Variants in FAM161A observed in about 807,000 individuals in gnomAD.
FAM161A encodes the protein FAM161 centrosomal protein A, also known as protein FAM161A.
Under a neutral mutation model 70.9 loss-of-function variants are expected in FAM161A, and 57 were observed. The observed-to-expected ratio is 0.80, with a 90% CI of 0.65 to 1.00. FAM161A has a LOEUF of 1.00. Among genes scored for constraint, FAM161A ranks in the 50% least tolerant of loss-of-function variants. FAM161A has a pLI of 0.00. For missense variants in FAM161A, 880 were observed against 836.0 expected (o/e 1.05, Z -0.65); for synonymous variants, 299 against 295.7 (o/e 1.01, Z -0.12).
chr2:61,851,519 G>C (rs539717286), intron 1 of FAM161A, among the ~76,000 whole-genome samples: 78 of 152,216 alleles, frequency 5.1e-4, no homozygotes, highest in African/African-American at 1.6e-3. Context: ...ATTTTTAGTA[G>C]AGACCGGGTT....
chr2:61,824,890 T>C lies in FAM161A; in HGVS notation c.*1565A>G. On this transcript the variant is annotated 3_prime_UTR_variant, in exon 7 of 7. Coordinates refer to ENST00000404929, the MANE Select transcript of FAM161A (RefSeq NM_001201543.2). Reference sequence around the variant, plus strand: ...TCAAACCTTTATTAAGTACCTACCATATGTACAATACTGTTCCAAATATTA... The same window carrying C: ...TCAAACCTTTATTAAGTACCTACCACATGTACAATACTGTTCCAAATATTA... 2.3e-6 allele frequency: 1 copy of C among 434,000 alleles called. No homozygotes were observed. The highest frequency in any genetic ancestry group is 4.5e-6 in the Non-Finnish European group (1 of 220,996). The allele number at this position is 434,000 out of a possible 1,614,324, so 26.9% of individuals were successfully genotyped here. A position where few individuals can be genotyped will look rare whatever the true frequency, so the allele number is the denominator to read the frequency against.
At chr2:61,801,717 C>T in the FAM161A span, among the ~76,000 whole-genome samples, 4 of 151,894 alleles carry the variant, frequency 2.6e-5, no homozygotes, top group African/African-American at 7.3e-5. Context: ...CGTGCCACCA[C>T]GCCTGGCTAA....
In FAM161A at chr2:61,840,047, C is replaced by G. The variant is rs748934990; in HGVS notation, c.957G>C (p.Leu319Phe). ...SLKEKSKEALLASQKPFKFIA... is the reference protein window; with the variant it reads ...SLKEKSKEALFASQKPFKFIA... Reference sequence around the variant, plus strand: ...TAAATTTAAATGGCTTTTGTGAGGCCAAAAGAGCTTCTTTGCTTTTCTCCT... The same window carrying G: ...TAAATTTAAATGGCTTTTGTGAGGCGAAAAGAGCTTCTTTGCTTTTCTCCT... The change falls in exon 3 of 7, where the codon TTG becomes TTC. Residue 319 changes from leucine to phenylalanine, a missense_variant. Physicochemically the swap from Leu to Phe is conservative, Grantham distance 22. Coordinates refer to ENST00000404929, the MANE Select transcript of FAM161A (RefSeq NM_001201543.2). 32 of 1,614,146 alleles carry G rather than the reference C, an allele frequency of 2.0e-5. No homozygotes were observed. Among genetic ancestry groups the G allele is most frequent in the Non-Finnish European group, 2.7e-5 (32 of 1,180,038 alleles).
chr2:61,816,626 A>C, the FAM161A span, among the ~76,000 whole-genome samples: 2,162 of 151,928 alleles, frequency 0.014, 54 homozygotes, highest in African/African-American at 0.049. Context: ...GATGTGGCTA[A>C]TTTTTGTATT....
chr2:61,824,055 C>T (rs1367862641), downstream of FAM161A, among the ~76,000 whole-genome samples: 1 of 148,602 alleles, frequency 6.7e-6, no homozygotes, highest in Admixed American at 6.8e-5. Context: ...GAGATGGAGT[C>T]TCACTCTGTC....
At position 61,839,574 on chromosome 2, in the gene FAM161A, T is replaced by C; in HGVS notation, c.1430A>G (p.Glu477Gly). The C allele has an allele frequency of 6.2e-7, 1 of 1,614,210 alleles. No individual in the cohort carries two copies. Among genetic ancestry groups the C allele is most frequent in the Non-Finnish European group, 8.5e-7 (1 of 1,180,038 alleles). ...IKREKILADI[E>G]ADEENLKETR... Reference sequence around the variant, plus strand: ...TTCTTTTAAATTTTCTTCATCTGCTTCGATGTCTGCCAAAATTTTTTCTCT... The same window carrying C: ...TTCTTTTAAATTTTCTTCATCTGCTCCGATGTCTGCCAAAATTTTTTCTCT... The change falls in exon 3 of 7, where the codon GAA (glutamate) becomes GGA (glycine). Residue 477 changes from glutamate (E) to glycine (G), a missense_variant. By Grantham distance (98) the Glu-to-Gly change is moderately conservative. Coordinates refer to ENST00000404929, the MANE Select transcript of FAM161A (RefSeq NM_001201543.2).
the FAM161A span, among the ~76,000 whole-genome samples, chr2:61,817,659 A>G: frequency 2.0e-5 from 3 of 152,188 alleles, no homozygotes; most frequent in African/African-American, 7.2e-5. Flanking sequence ...GTGTTAAACC[A>G]ACATTTTCAA....
the FAM161A span, among the ~76,000 whole-genome samples, chr2:61,801,285 C>A: frequency 6.6e-6 from 1 of 151,326 alleles, no homozygotes; most frequent in African/African-American, 2.4e-5. Flanking sequence ...ATCATGAGGT[C>A]AGGAGTCTGA....
In FAM161A at chr2:61,848,838, T is replaced by TTA. The variant is rs1318017695; in HGVS notation, c.183+5019_183+5020dup. Among the ~76,000 whole-genome samples, 18 of 25,260 alleles carry TTA rather than the reference T, an allele frequency of 7.1e-4. 1 individual carries two copies. The highest frequency in any genetic ancestry group is 2.9e-3 in the African/African-American group (18 of 6,180). 16.6% of individuals were successfully genotyped at this position (25,260 alleles called of 152,430 possible). A position where few individuals can be genotyped will look rare whatever the true frequency, so the allele number is the denominator to read the frequency against. On this transcript the variant is annotated intron_variant, in intron 1 of 6. Transcript: ENST00000404929. ...TTTATATATATATATCTATATATAT[T>TTA]TATATATATATTTATATATATATTT...
chr2:61,807,607 A>C, the FAM161A span, among the ~76,000 whole-genome samples: 1 of 149,304 alleles, frequency 6.7e-6, no homozygotes, highest in Non-Finnish European at 1.5e-5. Flanking sequence ...GGGACCCTGA[A>C]AGGGTTAGCT....
At chr2:61,812,651 G>A in the FAM161A span, among the ~76,000 whole-genome samples, 4 of 152,260 alleles carry the variant, frequency 2.6e-5, no homozygotes, top group Non-Finnish European at 5.9e-5. Context: ...GAACCTGGGA[G>A]GCAGAGGTTG....
At chr2:61,800,948 C>T in the FAM161A span, among the ~76,000 whole-genome samples, 3 of 152,030 alleles carry the variant, frequency 2.0e-5, no homozygotes, top group South Asian at 4.2e-4. Context: ...GGATTACAAG[C>T]GTGCACCACC....
At chr2:61,804,812 A>AAGAAAGAAAGAAAGAAAGAG in the FAM161A span, among the ~76,000 whole-genome samples, 1 of 149,570 alleles carries the variant, frequency 6.7e-6, no homozygotes, top group Non-Finnish European at 1.5e-5. Flanking sequence ...GAAAGAAAGA[A>AAGAAAGAAAGAAAGAAAGAG]AGAAAGAGAA....
At position 61,840,345 on chromosome 2, in the gene FAM161A, T is replaced by A; in HGVS notation, c.659A>T (p.His220Leu). The A allele has an allele frequency of 6.2e-7, 1 of 1,614,142 alleles. No individual in the cohort carries two copies. The highest frequency in any genetic ancestry group is 8.5e-7 in the Non-Finnish European group (1 of 1,180,024). The change falls in exon 3 of 7, where the codon CAT becomes CTT. Residue 220 changes from histidine to leucine, a missense_variant. By Grantham distance (99) the His-to-Leu change is moderately conservative. Transcript: ENST00000404929. ...TTTCTTCCTTCTTTTTTCAGCTGCA[T>A]GGAAGCCAGTATCTTTACAGCGAAT... ...DYIRCKDTGFHAAEKRRKKRK... is the reference protein window; with the variant it reads ...DYIRCKDTGFLAAEKRRKKRK...
chr2:61,804,792 AAGAAAGAAAGAAAG>A, the FAM161A span, among the ~76,000 whole-genome samples: 1 of 150,524 alleles, frequency 6.6e-6, no homozygotes, highest in African/African-American at 2.4e-5. Context: ...GAAAGAAAGA[AAGAAAGAAAGAAAG>A]AAAGAAAGAA....
chr2:61,824,193 A>ATTTTTTTTTTTTTTTTTTTTT (rs5831622), downstream of FAM161A, among the ~76,000 whole-genome samples: 1 of 127,830 alleles, frequency 7.8e-6, no homozygotes, highest in Non-Finnish European at 1.6e-5. Flanking sequence ...CGCCTGGCTA[A>ATTTTTTTTTTTTTTTTTTTTT]TTTTTTTTTT....
chr2:61,843,016 G>A (rs763156900), intron 1 of FAM161A, among the ~76,000 whole-genome samples: 29 of 152,298 alleles, frequency 1.9e-4, no homozygotes, highest in Non-Finnish European at 3.2e-4. Flanking sequence ...ATGGGTGACC[G>A]GGACTTTAGG....
At chr2:61,832,386 G>A (rs1672616065) in intron 5 of FAM161A, among the ~76,000 whole-genome samples, 1 of 152,030 alleles carries the variant, frequency 6.6e-6, no homozygotes, top group South Asian at 2.1e-4. Context: ...CATTAGGTAA[G>A]CAAAAAATGC....
At chr2:61,812,780 A>G in the FAM161A span, among the ~76,000 whole-genome samples, 1 of 151,746 alleles carries the variant, frequency 6.6e-6, no homozygotes, top group Non-Finnish European at 1.5e-5. Flanking sequence ...ACTTTAAAGA[A>G]GAATACTGGC....
Sources: allele counts gnomAD v4.1 joint callset (sites outside exome capture counted in the v4.1 genomes callset), GRCh38; gene constraint gnomAD v4.1.1; transcripts MANE v1.5; gene names NCBI Gene and HGNC (gene_info 2026-07-23, HGNC 2026-07-21).